Variants in MRPL34 observed in about 807,000 individuals in gnomAD.
MRPL34 encodes the protein mitochondrial ribosomal protein L34.
Under a neutral mutation model 6.7 loss-of-function variants are expected in MRPL34, and 8 were observed. That is an observed-to-expected ratio of 1.20 (90% CI 0.70 to 2.16). The LOEUF is 2.16. Ranked by LOEUF, MRPL34 falls within the 30% of genes most tolerant of loss-of-function variation. The pLI is 0.00. For missense variants in MRPL34, 146 were observed against 125.5 expected (o/e 1.16, Z -0.78); for synonymous variants, 59 against 55.1 (o/e 1.07, Z -0.31).
At chr19:17,300,906 G>A (rs2074114266), upstream of MRPL34, 2 of 1,607,640 alleles carry the variant, frequency 1.2e-6, no homozygotes, top group Non-Finnish European at 1.7e-6. Flanking sequence ...AGCGCTTGAA[G>A]ATTGCTCGCA....
At chr19:17,301,301 C>A (rs773559603), upstream of MRPL34, 2 of 1,607,292 alleles carry the variant, frequency 1.2e-6, no homozygotes, top group Middle Eastern at 1.7e-4. Flanking sequence ...CCATTCTGCC[C>A]GTGTAGGAGG....
upstream of MRPL34, among the ~76,000 whole-genome samples, chr19:17,304,678 T>C (rs997704220): frequency 2.0e-5 from 3 of 152,096 alleles, no homozygotes; most frequent in Non-Finnish European, 4.4e-5. Flanking sequence ...CTGGCACTTG[T>C]AGGGATACAG....
At chr19:17,301,104 G>C (rs771215862), upstream of MRPL34, 3 of 1,613,294 alleles carry the variant, frequency 1.9e-6, no homozygotes, top group South Asian at 3.3e-5. Flanking sequence ...CGGCCTGGGC[G>C]CCTTTGCAGC....
chr19:17,303,668 T>A (rs1244482178), upstream of MRPL34, among the ~76,000 whole-genome samples: 1 of 151,694 alleles, frequency 6.6e-6, no homozygotes, highest in African/African-American at 2.4e-5. Context: ...CGCCTGGGAG[T>A]GTGCGGCCGG....
At chr19:17,293,362 G>C (rs1284420180) in intron 1 of MRPL34, among the ~76,000 whole-genome samples, 2 of 151,674 alleles carry the variant, frequency 1.3e-5, no homozygotes, top group East Asian at 1.9e-4. Flanking sequence ...CTCCCAAAGT[G>C]CTGGGATTAC....
chr19:17,302,327 T>TCATTCAGGTATACACTAACTCATC (rs879403966), upstream of MRPL34: 4 of 152,242 alleles, frequency 2.6e-5, no homozygotes, highest in Non-Finnish European at 4.4e-5. Context: ...CCTAACTCAT[T>TCATTCAGGTATACACTAACTCATC]CATTCAGGTA....
upstream of MRPL34, chr19:17,301,443 A>G (rs768277553): frequency 6.2e-7 from 1 of 1,611,992 alleles, no homozygotes; most frequent in Non-Finnish European, 8.5e-7. Flanking sequence ...ATGATGGTGG[A>G]GGTGGGGCAG....
At chr19:17,305,201 G>T (rs548686173), upstream of MRPL34, among the ~76,000 whole-genome samples, 28 of 151,878 alleles carry the variant, frequency 1.8e-4, no homozygotes, top group African/African-American at 5.8e-4. Flanking sequence ...TGTGTGAGTA[G>T]GGGAGGGGTT....
At chr19:17,301,329 G>A, upstream of MRPL34, 1 of 1,608,118 alleles carries the variant, frequency 6.2e-7, no homozygotes, top group Non-Finnish European at 8.5e-7. Context: ...GAGGGGCTCG[G>A]CCCAGGTTTT....
At chr19:17,300,955 A>G, upstream of MRPL34, 1 of 1,613,480 alleles carries the variant, frequency 6.2e-7, no homozygotes, top group South Asian at 1.1e-5. Flanking sequence ...GGCTGCGGCC[A>G]CCTGGGGCGC....
chr19:17,305,998 G>A lies in MRPL34; in HGVS notation c.65+41G>A, dbSNP rs377663350. On this transcript the variant is annotated intron_variant, in intron 1 of 1. Coordinates refer to ENST00000252602, the MANE Select transcript of MRPL34 (RefSeq NM_023937.4). ...GACCCTTCCCCAAATCAGGGAATAAGGGCGGCTTCGGAGGCTGGCGCCACT... is the reference window on the plus strand; with the variant it reads ...GACCCTTCCCCAAATCAGGGAATAAAGGCGGCTTCGGAGGCTGGCGCCACT... 295 of 1,610,020 alleles carry A rather than the reference G, an allele frequency of 1.8e-4. 1 individual carries two copies. Among genetic ancestry groups the A allele is most frequent in the Middle Eastern group, 1.5e-3 (9 of 6,040 alleles).
At chr19:17,300,989 G>T (rs2074114758), upstream of MRPL34, 1 of 1,613,370 alleles carries the variant, frequency 6.2e-7, no homozygotes, top group Non-Finnish European at 8.5e-7. Context: ...TGGCCGGCCA[G>T]GTCAGGAGCC....
At chr19:17,293,341 C>T (rs2074079215) in intron 1 of MRPL34, among the ~76,000 whole-genome samples, 1 of 152,010 alleles carries the variant, frequency 6.6e-6, no homozygotes, top group South Asian at 2.1e-4. Flanking sequence ...AGGCGATCTG[C>T]CCGCCTCGGT....
rs200138972 is a variant in MRPL34 at position 17,295,893 on chromosome 19, TA to T, written c.214+3042del. 9.0e-3 allele frequency among the ~76,000 whole-genome samples: 1,364 copies of T among 152,252 alleles called. 5 individuals carry two copies. The highest frequency in any genetic ancestry group is 0.012 in the Non-Finnish European group (840 of 68,010). On this transcript the variant is annotated intron_variant, in intron 1 of 2. Transcript: ENST00000595444. The stretch of plus-strand genomic sequence containing the variant: ...CAGCTAATTTTTAAAAATTTTTTTA[TA>T]AAGACAGGGTCTCCTTATGTTGCCC...
At position 17,306,463 on chromosome 19, in the gene MRPL34, G is replaced by A; in HGVS notation, c.*84G>A. The A allele has an allele frequency of 7.6e-7, 1 of 1,319,542 alleles. No individual in the cohort carries two copies. The highest frequency in any genetic ancestry group is 1.0e-6 in the Non-Finnish European group (1 of 979,202). 81.7% of individuals were successfully genotyped at this position (1,319,542 alleles called of 1,614,324 possible). ...CCTGGCGCTATTTTTGCAGGGAGCT[G>A]GGGAGCAGGAACGCCTCGGACCTGA... On this transcript the variant is annotated 3_prime_UTR_variant, in exon 2 of 2. Transcript: ENST00000252602.
At chr19:17,301,396 C>A (rs776950825), upstream of MRPL34, 1 of 1,611,662 alleles carries the variant, frequency 6.2e-7, no homozygotes, top group Non-Finnish European at 8.5e-7. Flanking sequence ...GCGGACCAAG[C>A]CGGAGAGGTC....
At chr19:17,297,917 C>CTTTTTTTT (rs11299354), upstream of MRPL34, 2 of 136,170 alleles carry the variant, frequency 1.5e-5, 1 homozygote, top group Non-Finnish European at 3.1e-5. Flanking sequence ...TTTCTTTTTT[C>CTTTTTTTT]TTTTTTTTTT....
At chr19:17,294,532 C>A in intron 1 of MRPL34, 1 of 1,613,044 alleles carries the variant, frequency 6.2e-7, no homozygotes, top group Non-Finnish European at 8.5e-7. Context: ...ACCGCTAGAG[C>A]CCCTTATGCC....
chr19:17,298,735 C>CT (rs34731394), upstream of MRPL34, among the ~76,000 whole-genome samples: 6,662 of 70,784 alleles, frequency 0.094, 169 homozygotes, highest in East Asian at 0.11. Context: ...AACAACACTG[C>CT]TTTTTTTTTT....
Sources: gnomAD v4.1 joint callset for allele counts (sites outside exome capture counted in the v4.1 genomes callset) on GRCh38, gnomAD v4.1.1 for gene constraint, MANE v1.5 for transcripts, NCBI Gene and HGNC (gene_info 2026-07-23, HGNC 2026-07-21) for gene names.